ADARB2: variants seen among roughly 807,000 people sequenced by gnomAD.
ADARB2 encodes the protein inactive double-stranded RNA-specific editase B2.
In ADARB2, 25 loss-of-function variants were observed where a neutral mutation model predicts 62.2. The observed-to-expected ratio is 0.40, with a 90% CI of 0.29 to 0.56. The LOEUF is 0.56. Among genes scored for constraint, ADARB2 ranks in the 20% least tolerant of loss-of-function variants. The probability of loss-of-function intolerance (pLI) is 0.43; values close to 1 mark genes in which losing one functional copy is unlikely to be tolerated. For synonymous variants in ADARB2, 572 were observed against 500.8 expected (o/e 1.14, Z -1.90); for missense variants, 1,071 against 1,077.4 (o/e 0.99, Z 0.08).
intron 1 of ADARB2, among the ~76,000 whole-genome samples, chr10:1,532,870 G>A (rs1372132155): frequency 6.6e-6 from 1 of 152,120 alleles, no homozygotes; most frequent in African/African-American, 2.4e-5. Flanking sequence ...CTTAAATCTT[G>A]ATAATGAGGC....
intron 1 of ADARB2, among the ~76,000 whole-genome samples, chr10:1,601,149 C>T (rs561446719): frequency 2.8e-4 from 42 of 152,330 alleles, no homozygotes; most frequent in Middle Eastern, 3.4e-3. Flanking sequence ...TGCCTGTTCC[C>T]GTCCTCTTTG....
chr10:1,488,941 G>A (rs1469181886), intron 1 of ADARB2, among the ~76,000 whole-genome samples: 1 of 152,208 alleles, frequency 6.6e-6, no homozygotes, highest in Non-Finnish European at 1.5e-5. Flanking sequence ...TACAGTGTTT[G>A]CCCTCCTTTT....
intron 3 of ADARB2, among the ~76,000 whole-genome samples, chr10:1,296,461 C>T (rs1183822810): frequency 2.0e-5 from 3 of 152,168 alleles, no homozygotes; most frequent in Non-Finnish European, 2.9e-5. Flanking sequence ...ATAACGTATT[C>T]TATGCTTTTC....
intron 1 of ADARB2, among the ~76,000 whole-genome samples, chr10:1,676,453 A>C (rs536182239): frequency 1.3e-5 from 2 of 152,238 alleles, no homozygotes; most frequent in Non-Finnish European, 2.9e-5. Flanking sequence ...ATTGCTTTTA[A>C]AGAAAAATAG....
At chr10:1,480,513 A>G (rs1022252909) in intron 1 of ADARB2, among the ~76,000 whole-genome samples, 1 of 152,188 alleles carries the variant, frequency 6.6e-6, no homozygotes, top group South Asian at 2.1e-4. Context: ...CCTGGCTAAC[A>G]TGGTGAAACC....
chr10:1,656,862 AT>A (rs59359266), intron 1 of ADARB2, among the ~76,000 whole-genome samples: 1 of 152,014 alleles, frequency 6.6e-6, no homozygotes, highest in Non-Finnish European at 1.5e-5. Context: ...AATGCTGTGG[AT>A]TTTTTTTCCA....
chr10:1,441,353 G>A (rs993012424), intron 1 of ADARB2, among the ~76,000 whole-genome samples: 3 of 152,174 alleles, frequency 2.0e-5, no homozygotes, highest in African/African-American at 7.2e-5. Context: ...TTTAACATAA[G>A]CTTTCTAACA....
chr10:1,334,098 C>T (rs555483331), intron 3 of ADARB2, among the ~76,000 whole-genome samples: 1 of 152,254 alleles, frequency 6.6e-6, no homozygotes, highest in East Asian at 1.9e-4. Context: ...AGGCAGGGGC[C>T]ATGGCAAGAC....
intron 1 of ADARB2, among the ~76,000 whole-genome samples, chr10:1,563,105 G>A (rs373587325): frequency 3.2e-4 from 49 of 152,132 alleles, no homozygotes; most frequent in African/African-American, 9.9e-4. Flanking sequence ...GGGTGAGAAC[G>A]TGGTCTCCCT....
intron 1 of ADARB2, among the ~76,000 whole-genome samples, chr10:1,459,979 G>GCCTGTGACCTGAGTTTACCTGCGTAA (rs1831149141): frequency 1.2e-4 from 9 of 76,596 alleles, no homozygotes; most frequent in Admixed American, 8.3e-4. Context: ...TACCTGTGTA[G>GCCTGTGACCTGAGTTTACCTGCGTAA]CAAACCTGCC....
Position 1,589,045 on chromosome 10 carries a change from T to C in ADARB2, c.100+148006A>G, listed in dbSNP as rs78722370. Among the ~76,000 whole-genome samples, 278 of 152,320 alleles carry C rather than the reference T, an allele frequency of 1.8e-3. 6 individuals carry two copies. The East Asian group carries it at 0.051, about 28-fold the overall frequency. The stretch of plus-strand genomic sequence containing the variant: ...AGCGACCTAAGGCTCTTTGTCTTCT[T>C]GTGTACCCCTCTTCCTCTGAATATT... On this transcript the variant is annotated intron_variant, in intron 1 of 9. Coordinates refer to ENST00000381312, the MANE Select transcript of ADARB2 (RefSeq NM_018702.4).
At chr10:1,352,995 G>GC (rs1166159559) in intron 3 of ADARB2, among the ~76,000 whole-genome samples, 2 of 152,086 alleles carry the variant, frequency 1.3e-5, no homozygotes, top group African/African-American at 4.8e-5. Flanking sequence ...CAAGCCACCA[G>GC]CCCTCCTCTT....
At chr10:1,438,753 ATGGGG>A (rs1830865456) in intron 1 of ADARB2, among the ~76,000 whole-genome samples, 3 of 143,180 alleles carry the variant, frequency 2.1e-5, no homozygotes, top group African/African-American at 5.3e-5. Flanking sequence ...GTTCTTCACT[ATGGGG>A]CTCCTGAGTC....
chr10:1,566,458 T>C (rs982583370), intron 1 of ADARB2, among the ~76,000 whole-genome samples: 2 of 152,264 alleles, frequency 1.3e-5, no homozygotes, highest in Non-Finnish European at 2.9e-5. Flanking sequence ...CATGAAATCC[T>C]AATTGCTTTC....
At chr10:1,639,095 T>G (rs529375422) in intron 1 of ADARB2, among the ~76,000 whole-genome samples, 10 of 152,318 alleles carry the variant, frequency 6.6e-5, no homozygotes, top group African/African-American at 2.2e-4. Flanking sequence ...GCTGTGGCCA[T>G]CTCCTAAAGC....
intron 3 of ADARB2, among the ~76,000 whole-genome samples, chr10:1,306,756 A>G (rs1831633681): frequency 6.8e-6 from 1 of 146,566 alleles, no homozygotes; most frequent in Admixed American, 7.0e-5. Context: ...GGAACAGAAC[A>G]GAGCCGTCAG....
intron 1 of ADARB2, among the ~76,000 whole-genome samples, chr10:1,552,071 G>C (rs565792245): frequency 4.6e-5 from 7 of 152,142 alleles, no homozygotes; most frequent in Non-Finnish European, 8.8e-5. Flanking sequence ...CCTCGCAGCC[G>C]ATCACAGAAC....
chr10:1,314,881 G>A (rs1831723942), intron 3 of ADARB2, among the ~76,000 whole-genome samples: 1 of 152,164 alleles, frequency 6.6e-6, no homozygotes, highest in Admixed American at 6.5e-5. Flanking sequence ...GCCCTGTCTG[G>A]CCTTAGATAT....
chr10:1,474,542 C>T (rs897447825), intron 1 of ADARB2, among the ~76,000 whole-genome samples: 7 of 152,134 alleles, frequency 4.6e-5, no homozygotes, highest in East Asian at 1.9e-4. Flanking sequence ...ACAGCCGGAG[C>T]GGACGGGCAA....
Sources: allele counts gnomAD v4.1 joint callset (sites outside exome capture counted in the v4.1 genomes callset), GRCh38; gene constraint gnomAD v4.1.1; transcripts MANE v1.5; gene names NCBI Gene and HGNC (gene_info 2026-07-23, HGNC 2026-07-21).